Variants in ZNF99 observed in about 807,000 individuals in gnomAD.
ZNF99 encodes zinc finger protein ENSP00000375192.
ZNF99 carries 8 observed loss-of-function variants against 12.8 expected under a neutral mutation model. That is an observed-to-expected ratio of 0.62 (90% CI 0.37 to 1.13). ZNF99 has a LOEUF of 1.13. ZNF99 is among the 50% of genes most tolerant of loss of function. The probability of loss-of-function intolerance (pLI) is 0.02; values close to 1 mark genes in which losing one functional copy is unlikely to be tolerated. For missense variants in ZNF99, 1,007 were observed against 1,006.2 expected, an observed-to-expected ratio of 1.00 and a Z score of -0.01; for synonymous variants, 318 against 319.0, an observed-to-expected ratio of 1.00 and a Z score of 0.03.
At chr19:22,781,403 C>CTTTTTTTTT (rs35970718) in intron 1 of ZNF99, among the ~76,000 whole-genome samples, 51 of 87,890 alleles carry the variant, frequency 5.8e-4, no homozygotes, top group Admixed American at 1.0e-3. Flanking sequence ...ATTGGGGTCA[C>CTTTTTTTTT]TTTTTTTTTT....
chr19:22,753,962 CTTTT>C lies in ZNF99; in HGVS notation c.*3348_*3351del, dbSNP rs1568380468. The C allele has an allele frequency of 2.2e-6, 1 of 451,362 alleles. No homozygotes were observed. The highest frequency in any genetic ancestry group is 1.6e-5 in the South Asian group (1 of 63,944). The allele number at this position is 451,362 out of a possible 1,614,324, so 28.0% of individuals were successfully genotyped here. A position where few individuals can be genotyped will look rare whatever the true frequency, so the allele number is the denominator to read the frequency against. ...CTAGGGCTTCTTGACACTATGATTT[CTTTT>C]ATGTTTAGAAAAGTTTAAGGTGTTC... On this transcript the variant is annotated 3_prime_UTR_variant, in exon 4 of 4. Coordinates refer to ENST00000596209, the MANE Select transcript of ZNF99 (RefSeq NM_001080409.3).
intron 3 of ZNF99, among the ~76,000 whole-genome samples, chr19:22,764,799 C>T (rs1439609071): frequency 6.6e-6 from 1 of 152,074 alleles, no homozygotes; most frequent in East Asian, 1.9e-4. Context: ...CTTACTCATG[C>T]AAGAATGGCC....
chr19:22,779,884 G>A (rs1568388877), intron 1 of ZNF99, among the ~76,000 whole-genome samples: 1 of 152,094 alleles, frequency 6.6e-6, no homozygotes, highest in African/African-American at 2.4e-5. Context: ...TACCCTTTTG[G>A]AATTCAATTC....
intron 3 of ZNF99, 48 bp downstream of exon 3, chr19:22,768,257 C>T (rs1405881305): frequency 6.3e-7 from 1 of 1,593,624 alleles, no homozygotes; most frequent in African/African-American, 1.3e-5. Context: ...TTCTCCTGGA[C>T]CTCTGGACCT....
chr19:22,756,805 G>C lies in ZNF99; in HGVS notation c.*509C>G, dbSNP rs372162303. The stretch of plus-strand genomic sequence containing the variant: ...TTCACATTTGTAGGGTTTCTTTCCA[G>C]TATAATTATCTCATGTTTTCTAAGG... On this transcript the variant is annotated 3_prime_UTR_variant, in exon 4 of 4. Coordinates refer to ENST00000596209, the MANE Select transcript of ZNF99 (RefSeq NM_001080409.3). 2 of 1,609,306 alleles carry C rather than the reference G, an allele frequency of 1.2e-6. No homozygotes were observed. Among genetic ancestry groups the C allele is most frequent in the Non-Finnish European group, 8.5e-7 (1 of 1,178,258 alleles).
Position 22,754,001 on chromosome 19 carries a change from C to T in ZNF99, c.*3313G>A, listed in dbSNP as rs1172425003. 2.2e-6 allele frequency: 1 copy of T among 455,900 alleles called. No individual in the cohort carries two copies. The highest frequency in any genetic ancestry group is 7.0e-5 in the East Asian group (1 of 14,378). 28.2% of individuals were successfully genotyped at this position (455,900 alleles called of 1,614,324 possible). On this transcript the variant is annotated 3_prime_UTR_variant, in exon 4 of 4. Coordinates refer to ENST00000596209, the MANE Select transcript of ZNF99 (RefSeq NM_001080409.3). Reference sequence around the variant, plus strand: ...AAAGTTTAAGGTGTTCTCAAGAGCACTGTCATGTCTTTTAGGTTTGTAGAG... The same window carrying T: ...AAAGTTTAAGGTGTTCTCAAGAGCATTGTCATGTCTTTTAGGTTTGTAGAG...
chr19:22,759,153 A>AT lies in ZNF99; in HGVS notation c.755_756insA (p.Gly253TrpfsTer8). ...CTTCACATTTGCAGGGTTTCTTTCC[A>AT]GTATGAATTATCTTACATTTAGTGA... On this transcript the variant is annotated frameshift_variant, in exon 4 of 4. Transcript: ENST00000596209. LOFTEE classifies it low-confidence loss of function (END_TRUNC). The AT allele has an allele frequency of 1.2e-6, 2 of 1,607,136 alleles. No individual in the cohort carries two copies. The highest frequency in any genetic ancestry group is 1.7e-6 in the Non-Finnish European group (2 of 1,176,306).
Position 22,768,363 on chromosome 19 carries a change from C to T in ZNF99, c.168G>A (p.Leu56=), listed in dbSNP as rs562122209. 1.9e-6 allele frequency: 3 copies of T among 1,613,848 alleles called. No individual in the cohort carries two copies. The South Asian group carries it at 3.3e-5, about 18-fold the overall frequency. The change falls in exon 3 of 4, where the codon CTG becomes CTA. Residue 56 remains leucine, a synonymous_variant. Coordinates refer to ENST00000596209, the MANE Select transcript of ZNF99 (RefSeq NM_001080409.3). ...TATTCCAAGGCTCTTTCCCTTGCTT[C>T]AGACAAGTTATCAAGTCTAGCTTAG... ...AVSKLDLITC[L]KQGKEPWNMK...
chr19:22,753,962 C>T lies in ZNF99; in HGVS notation c.*3352G>A, dbSNP rs1568380466. ...CTAGGGCTTCTTGACACTATGATTT[C>T]TTTTATGTTTAGAAAAGTTTAAGGT... On this transcript the variant is annotated 3_prime_UTR_variant, in exon 4 of 4. Coordinates refer to ENST00000596209, the MANE Select transcript of ZNF99 (RefSeq NM_001080409.3). 1 of 451,244 alleles carries T rather than the reference C, an allele frequency of 2.2e-6. No homozygotes were observed. The allele number at this position is 451,244 out of a possible 1,614,324, so 28.0% of individuals were successfully genotyped here.
chr19:22,784,088 A>C lies in ZNF99; in HGVS notation c.-72T>G, dbSNP rs2145165150. The C allele has an allele frequency of 6.3e-7, 1 of 1,575,494 alleles. No individual in the cohort carries two copies. Among genetic ancestry groups the C allele is most frequent in the South Asian group, 1.1e-5 (1 of 89,614 alleles). ...ATACCTACAGGTCACAGGGCCACAG[A>C]GGCTAAGGACACAGAGCAGTAAAAA... On this transcript the variant is annotated 5_prime_UTR_variant, in exon 1 of 4. Coordinates refer to ENST00000596209, the MANE Select transcript of ZNF99 (RefSeq NM_001080409.3).
chr19:22,765,773 C>T (rs1973197006), intron 3 of ZNF99, among the ~76,000 whole-genome samples: 1 of 151,118 alleles, frequency 6.6e-6, no homozygotes, highest in Non-Finnish European at 1.5e-5. Flanking sequence ...AAACTTGAGA[C>T]CAAGAGTTCA....
At chr19:22,769,480 C>A (rs376766179) in intron 1 of ZNF99, among the ~76,000 whole-genome samples, 156 bp from the exon 2 acceptor site, 42 of 151,876 alleles carry the variant, frequency 2.8e-4, no homozygotes, top group Non-Finnish European at 4.1e-4. Flanking sequence ...ACACAGAAAT[C>A]GTCTCGGCTG....
chr19:22,782,379 C>A (rs1973397261), intron 1 of ZNF99, among the ~76,000 whole-genome samples: 1 of 150,854 alleles, frequency 6.6e-6, no homozygotes, highest in South Asian at 2.1e-4. Flanking sequence ...TTTTTTAAGA[C>A]AGTTTCGGTC....
At position 22,754,240 on chromosome 19, in the gene ZNF99, G is replaced by A. The variant is rs376716173; in HGVS notation, c.*3074C>T. The A allele has an allele frequency of 1.3e-4, 57 of 440,184 alleles. No homozygotes were observed. Among genetic ancestry groups the A allele is most frequent in the East Asian group, 8.5e-4 (12 of 14,148 alleles). The allele number at this position is 440,184 out of a possible 1,614,324, so 27.3% of individuals were successfully genotyped here. ...AAATTAGCTGGGCGTGGTGGCAGGC[G>A]CCTGCAATCCCAGCTGCTTGGGAGG... On this transcript the variant is annotated 3_prime_UTR_variant, in exon 4 of 4. Coordinates refer to ENST00000596209, the MANE Select transcript of ZNF99 (RefSeq NM_001080409.3).
chr19:22,757,013 A>C lies in ZNF99; in HGVS notation c.*301T>G, dbSNP rs764997153. On this transcript the variant is annotated 3_prime_UTR_variant, in exon 4 of 4. Transcript: ENST00000596209. ...TTTCCTAAGGGCTGAGAAATTGCTA[A>C]AAGCTTTGCCACATTCTTCACATTT... The C allele has an allele frequency of 1.9e-6, 3 of 1,612,962 alleles. No homozygotes were observed. Among genetic ancestry groups the C allele is most frequent in the Non-Finnish European group, 2.5e-6 (3 of 1,179,294 alleles).
Position 22,759,187 on chromosome 19 carries a change from G to A in ZNF99, c.722C>T (p.Ser241Phe). ...YKKCGKAFNI[S>F]SMFTKCKIIH... Reference sequence around the variant, plus strand: ...TATCTTACATTTAGTGAACATTGAAGAGATGTTAAAAGCTTTGCCACATTT... The same window carrying A: ...TATCTTACATTTAGTGAACATTGAAAAGATGTTAAAAGCTTTGCCACATTT... The change falls in exon 4 of 4, where the codon TCT becomes TTT. Residue 241 changes from serine (S) to phenylalanine (F), a missense_variant. Coordinates refer to ENST00000596209, the MANE Select transcript of ZNF99 (RefSeq NM_001080409.3). 1.9e-6 allele frequency: 3 copies of A among 1,588,138 alleles called. No individual in the cohort carries two copies. The highest frequency in any genetic ancestry group is 2.6e-6 in the Non-Finnish European group (3 of 1,166,760).
Position 22,757,856 on chromosome 19 carries a change from C to G in ZNF99, c.2053G>C (p.Ala685Pro). ...CTAAGGGCTGAGAAATGGTTAAAAG[C>G]CTTGCCACATTCTTCACATTTGTAG... is the stretch of plus-strand genomic sequence containing the variant. ...KPYKCEECGK[A>P]FNHFSALRKH... Residue 685 changes from alanine (A) to proline (P), a missense_variant, in exon 4 of 4, where the codon GCT becomes CCT. Coordinates refer to ENST00000596209, the MANE Select transcript of ZNF99 (RefSeq NM_001080409.3). 1 of 1,611,592 alleles carries G rather than the reference C, an allele frequency of 6.2e-7. No homozygotes were observed. The highest frequency in any genetic ancestry group is 8.5e-7 in the Non-Finnish European group (1 of 1,178,636).
chr19:22,753,162 T>C lies in ZNF99; in HGVS notation c.*4152A>G, dbSNP rs143483321. On this transcript the variant is annotated 3_prime_UTR_variant, in exon 4 of 4. Coordinates refer to ENST00000596209, the MANE Select transcript of ZNF99 (RefSeq NM_001080409.3). ...TCAGAGTCTGTAATTTTTTTCAATA[T>C]TGTGATGTTAATTTTTTTGATATTT... The C allele has an allele frequency of 4.3e-3, 662 of 152,230 alleles. 8 individuals carry two copies. The highest frequency in any genetic ancestry group is 0.015 in the African/African-American group (632 of 41,570). The allele number at this position is 152,230 out of a possible 1,614,324, so 9.4% of individuals were successfully genotyped here.
Position 22,757,544 on chromosome 19 carries a change from A to C in ZNF99, c.2365T>G (p.Tyr789Asp), listed in dbSNP as rs1264227693. ...HKIIHTGKKP[Y>D]KCEECGKAFN... ...GCTTTGCCACATTCTTCACATTTAT[A>C]GGGTTTCTTTCCAGTATGAATTATC... Residue 789 changes from tyrosine to aspartate, a missense_variant, in exon 4 of 4, where the codon TAT becomes GAT. Transcript: ENST00000596209. 1 of 1,610,964 alleles carries C rather than the reference A, an allele frequency of 6.2e-7. No homozygotes were observed. The highest frequency in any genetic ancestry group is 1.3e-5 in the African/African-American group (1 of 74,604).
Sources: gnomAD v4.1 joint callset for allele counts (sites outside exome capture counted in the v4.1 genomes callset) on GRCh38, gnomAD v4.1.1 for gene constraint, MANE v1.5 for transcripts, NCBI Gene and HGNC (gene_info 2026-07-23, HGNC 2026-07-21) for gene names.